KAZN: variants seen among roughly 807,000 people sequenced by gnomAD.
KAZN encodes the protein kazrin.
In KAZN, 40 loss-of-function variants were observed where a neutral mutation model predicts 87.4. The ratio of observed to expected loss-of-function variants is 0.46; its 90% CI spans 0.36 to 0.60. KAZN has a LOEUF of 0.60. KAZN is among the 20% of genes least tolerant of loss of function. The pLI is 0.00. For synonymous variants in KAZN, 466 were observed against 458.3 expected, an observed-to-expected ratio of 1.02 and a Z score of -0.22; for missense variants, 898 against 1,073.9, an observed-to-expected ratio of 0.84 and a Z score of 2.29.
At chr1:14,203,688 C>G (rs1247618155) in intron 2 of KAZN, among the ~76,000 whole-genome samples, 2 of 152,152 alleles carry the variant, frequency 1.3e-5, no homozygotes, top group African/African-American at 4.8e-5. Flanking sequence ...ACCCAATAAA[C>G]TTAGGTACAA....
intron 1 of KAZN, among the ~76,000 whole-genome samples, chr1:14,931,619 G>A (rs139140084): frequency 4.6e-5 from 7 of 152,218 alleles, no homozygotes; most frequent in Non-Finnish European, 8.8e-5. Context: ...CTCCTCCCCC[G>A]CCAGGAATCT....
intron 1 of KAZN, among the ~76,000 whole-genome samples, chr1:14,748,121 C>G (rs1321762623): frequency 2.6e-5 from 4 of 152,192 alleles, no homozygotes; most frequent in Non-Finnish European, 4.4e-5. Flanking sequence ...CTATCTCTTT[C>G]CTGTGAGTTG....
intron 8 of KAZN, among the ~76,000 whole-genome samples, chr1:15,080,244 A>G (rs1639934404): frequency 6.6e-6 from 1 of 152,250 alleles, no homozygotes; most frequent in South Asian, 2.1e-4. Flanking sequence ...TTTTAAAAGT[A>G]TAAAGCAGTT....
intron 2 of KAZN, among the ~76,000 whole-genome samples, chr1:14,233,738 AGT>A (rs1484786885): frequency 4.6e-5 from 7 of 152,222 alleles, no homozygotes; most frequent in Admixed American, 4.6e-4. Context: ...AAACCTCCAC[AGT>A]GTGTCTTTTG....
At chr1:13,927,626 C>G (rs776036026) in intron 1 of KAZN, among the ~76,000 whole-genome samples, 14 of 151,290 alleles carry the variant, frequency 9.3e-5, no homozygotes, top group East Asian at 1.9e-4. Context: ...GGTGGAGGAT[C>G]TCTTTTGAGC....
chr1:14,569,669 A>C (rs12759227), intron 2 of KAZN, among the ~76,000 whole-genome samples: 146,837 of 152,078 alleles, frequency 0.97, 71,153 homozygotes, highest in Middle Eastern at 1. Context: ...TTTATCATCA[A>C]CCAGTTTGGG....
chr1:14,899,450 T>C (rs1275471743), intron 1 of KAZN, among the ~76,000 whole-genome samples: 3 of 152,032 alleles, frequency 2.0e-5, no homozygotes, highest in Non-Finnish European at 4.4e-5. Flanking sequence ...CTGTCCCAGG[T>C]TCAAACTCCT....
intron 2 of KAZN, among the ~76,000 whole-genome samples, chr1:14,282,848 C>T (rs573119800): frequency 3.0e-4 from 46 of 152,242 alleles, no homozygotes; most frequent in Non-Finnish European, 4.7e-4. Flanking sequence ...AGAATTCAGC[C>T]AGGAAGATAA....
In KAZN at chr1:14,752,524, A is replaced by G. The variant is rs188253155; in HGVS notation, c.226+153301A>G. Among the ~76,000 whole-genome samples the G allele has an allele frequency of 3.2e-4, 48 of 152,256 alleles. 1 individual carries two copies. The East Asian group carries it at 8.9e-3, about 28-fold the overall frequency. ...CAAGATCAAGACACCAGCAGATTCA[A>G]CGTCTGGTGAGGCTGCTCTCTACTT... On this transcript the variant is annotated intron_variant, in intron 1 of 14. Coordinates refer to ENST00000376030, the MANE Select transcript of KAZN (RefSeq NM_201628.3).
At chr1:14,880,857 TATA>T (rs1653266118) in intron 1 of KAZN, among the ~76,000 whole-genome samples, 1 of 152,350 alleles carries the variant, frequency 6.6e-6, no homozygotes, top group Non-Finnish European at 1.5e-5. Flanking sequence ...TCTGCTGTCC[TATA>T]CTGGTCAGAG....
At chr1:14,717,619 C>T (rs1001720910) in intron 1 of KAZN, among the ~76,000 whole-genome samples, 2 of 152,196 alleles carry the variant, frequency 1.3e-5, no homozygotes, top group African/African-American at 4.8e-5. Flanking sequence ...TTGACCTTTA[C>T]CTTAATTATA....
At chr1:14,986,631 A>G (rs1666852147) in intron 2 of KAZN, among the ~76,000 whole-genome samples, 1 of 151,836 alleles carries the variant, frequency 6.6e-6, no homozygotes, top group Non-Finnish European at 1.5e-5. Context: ...GACGCCCCCA[A>G]CCCTCCTTGA....
At chr1:14,385,968 C>A (rs969173524) in intron 2 of KAZN, among the ~76,000 whole-genome samples, 24 of 151,346 alleles carry the variant, frequency 1.6e-4, no homozygotes, top group African/African-American at 5.4e-4. Flanking sequence ...GTAGGTCACT[C>A]AGGACTTGCT....
At chr1:14,793,887 C>G (rs1308076554) in intron 1 of KAZN, among the ~76,000 whole-genome samples, 1 of 152,186 alleles carries the variant, frequency 6.6e-6, no homozygotes, top group African/African-American at 2.4e-5. Context: ...CAAACAAGAC[C>G]ACCCTCCCCA....
rs1639235947 is a variant in KAZN at position 15,066,500 on chromosome 1, A to C, written c.1222+747A>C. 1 of 985,348 alleles carries C rather than the reference A, an allele frequency of 1.0e-6. No homozygotes were observed. The allele number at this position is 985,348 out of a possible 1,614,324, so 61.0% of individuals were successfully genotyped here. A position where few individuals can be genotyped will look rare whatever the true frequency, so the allele number is the denominator to read the frequency against. On this transcript the variant is annotated intron_variant, in intron 8 of 14. Coordinates refer to ENST00000376030, the MANE Select transcript of KAZN (RefSeq NM_201628.3). This position sits in a 1 kb window ranked among gnomAD's most constrained non-coding sequence, Gnocchi z 4.3. Reference sequence around the variant, plus strand: ...GTCTTGGCTGGGTTTGTCAGAGGTCAAACCGGCTCTTTTAAACGGCCTACC... The same window carrying C: ...GTCTTGGCTGGGTTTGTCAGAGGTCCAACCGGCTCTTTTAAACGGCCTACC...
intron 1 of KAZN, among the ~76,000 whole-genome samples, chr1:14,009,727 A>G (rs112739489): frequency 6.6e-6 from 1 of 152,182 alleles, no homozygotes; most frequent in Non-Finnish European, 1.5e-5. Flanking sequence ...GGCATTTACT[A>G]TGCATTTACT....
At chr1:14,781,933 T>C in intron 1 of KAZN, among the ~76,000 whole-genome samples, 1 of 152,260 alleles carries the variant, frequency 6.6e-6, no homozygotes, top group East Asian at 1.9e-4. Flanking sequence ...ATGTTCTGTT[T>C]ATTTCAATTA....
intron 1 of KAZN, among the ~76,000 whole-genome samples, chr1:14,644,061 G>T (rs1680617393): frequency 7.1e-6 from 1 of 140,676 alleles, no homozygotes; most frequent in Non-Finnish European, 1.5e-5. Context: ...GCCCTGGCTG[G>T]AGTGCAGTGG....
intron 1 of KAZN, among the ~76,000 whole-genome samples, chr1:14,147,828 C>G (rs1236998585): frequency 6.6e-6 from 1 of 151,388 alleles, no homozygotes; most frequent in Non-Finnish European, 1.5e-5. Flanking sequence ...CTAAAGGTCA[C>G]TACGTAGAAA....
Sources: gnomAD v4.1 joint callset for allele counts (sites outside exome capture counted in the v4.1 genomes callset) on GRCh38, gnomAD v4.1.1 for gene constraint, Gnocchi (gnomAD v3.1) non-coding constraint, MANE v1.5 for transcripts, NCBI Gene and HGNC (gene_info 2026-07-23, HGNC 2026-07-21) for gene names.